DOCK4: variants seen among roughly 807,000 people sequenced by gnomAD.
The protein encoded by DOCK4 is dedicator of cytokinesis protein 4.
DOCK4 carries 97 observed loss-of-function variants against 268.1 expected under a neutral mutation model. The observed-to-expected ratio is 0.36, with a 90% CI of 0.31 to 0.43. DOCK4 has a LOEUF of 0.43. Ranked by LOEUF, DOCK4 falls within the 20% of genes least tolerant of loss-of-function variation. The pLI, the probability that DOCK4 is intolerant of heterozygous loss-of-function variation, is 1.00. For missense variants in DOCK4, 2,145 were observed against 2,455.7 expected, an observed-to-expected ratio of 0.87 and a Z score of 2.67; for synonymous variants, 954 against 887.2, an observed-to-expected ratio of 1.08 and a Z score of -1.34.
chr7:111,730,033 G>A (rs1168771791), intron 52 of DOCK4, among the ~76,000 whole-genome samples: 2 of 152,178 alleles, frequency 1.3e-5, no homozygotes, highest in South Asian at 4.2e-4. Flanking sequence ...ATCTTTAAAA[G>A]CTGAGAAGGG....
At chr7:112,017,295 T>C (rs191451179) in intron 1 of DOCK4, among the ~76,000 whole-genome samples, 1 of 152,358 alleles carries the variant, frequency 6.6e-6, no homozygotes, top group Non-Finnish European at 1.5e-5. Flanking sequence ...ACAGTGAGCA[T>C]CTTACAAAGG....
intron 10 of DOCK4, among the ~76,000 whole-genome samples, chr7:111,944,302 C>A (rs1378417589): frequency 1.3e-5 from 2 of 152,024 alleles, no homozygotes; most frequent in Non-Finnish European, 1.5e-5. Context: ...ACTTCTCAGA[C>A]CCTTTAATAA....
Position 111,728,550 on chromosome 7 carries a change from G to A in DOCK4, c.5652C>T (p.Pro1884=). 3 of 1,613,798 alleles carry A rather than the reference G, an allele frequency of 1.9e-6. No individual in the cohort carries two copies. The highest frequency in any genetic ancestry group is 1.1e-5 in the South Asian group (1 of 91,088). ...CGGGCACCGGCACTGGCACCGGCAG[G>A]GGGGCCGACTGTTCATTCACCTGAT... The part of the protein sequence containing the change: ...FENQVNEQSA[P]LPVPVPVPVP... The change falls in exon 53 of 53, where the codon CCC becomes CCT. Residue 1884 remains proline (P), a synonymous_variant. Coordinates refer to ENST00000428084, the MANE Select transcript of DOCK4 (RefSeq NM_001363540.2).
intron 32 of DOCK4, among the ~76,000 whole-genome samples, chr7:111,787,237 T>G (rs991667020): frequency 6.6e-6 from 1 of 152,188 alleles, no homozygotes; most frequent in Non-Finnish European, 1.5e-5. Context: ...AAGAGATTCA[T>G]TTCACTGAGT....
intron 12 of DOCK4, among the ~76,000 whole-genome samples, chr7:111,929,618 T>C (rs886293209): frequency 6.6e-6 from 1 of 152,132 alleles, no homozygotes; most frequent in Non-Finnish European, 1.5e-5. Context: ...GACCCAAAAA[T>C]GCAACCTAAC....
At chr7:111,972,119 A>G (rs540738766) in intron 8 of DOCK4, 4 of 152,546 alleles carry the variant, frequency 2.6e-5, no homozygotes, top group African/African-American at 7.2e-5. Context: ...TATCAGTTTC[A>G]GTATTACCAT....
intron 26 of DOCK4, among the ~76,000 whole-genome samples, chr7:111,825,262 T>A (rs1802304828): frequency 6.6e-6 from 1 of 152,224 alleles, no homozygotes; most frequent in South Asian, 2.1e-4. Flanking sequence ...TCCATTTTAG[T>A]ATTTACATGT....
chr7:112,140,692 G>T (rs1814832059), intron 1 of DOCK4, among the ~76,000 whole-genome samples: 1 of 151,322 alleles, frequency 6.6e-6, no homozygotes. Context: ...AACATACACG[G>T]AAGAATTTTT....
At chr7:112,005,463 T>A (rs1176562886) in intron 1 of DOCK4, among the ~76,000 whole-genome samples, 1 of 152,246 alleles carries the variant, frequency 6.6e-6, no homozygotes, top group African/African-American at 2.4e-5. Context: ...CACTAATTTA[T>A]GATATCATTT....
At chr7:111,744,136 A>G (rs1222553456) in intron 44 of DOCK4, among the ~76,000 whole-genome samples, 1 of 152,116 alleles carries the variant, frequency 6.6e-6, no homozygotes, top group Non-Finnish European at 1.5e-5. Context: ...CAGGCTTTCT[A>G]TTGCTTCCTC....
chr7:112,000,182 T>C (rs377292760), intron 3 of DOCK4, among the ~76,000 whole-genome samples: 6 of 152,286 alleles, frequency 3.9e-5, no homozygotes, highest in African/African-American at 1.2e-4. Flanking sequence ...TTTTGGCATA[T>C]GTATTTCCCC....
chr7:111,760,414 C>T lies in DOCK4; in HGVS notation c.4021-92G>A, dbSNP rs116073691. ...ACATGACACTGGCAGTAACTGACCA[C>T]ATGCCCCATACCAAGACACTATAAC... On this transcript the variant is annotated intron_variant, in intron 39 of 52. Coordinates refer to ENST00000428084, the MANE Select transcript of DOCK4 (RefSeq NM_001363540.2). 1.5e-3 allele frequency: 1,987 copies of T among 1,324,124 alleles called. 32 individuals are homozygous for T. The African/African-American group carries it at 0.026, about 17-fold the overall frequency. The allele number at this position is 1,324,124 out of a possible 1,614,324, so 82.0% of individuals were successfully genotyped here.
intron 23 of DOCK4, among the ~76,000 whole-genome samples, chr7:111,849,080 G>A (rs1804337859): frequency 6.6e-6 from 1 of 152,170 alleles, no homozygotes; most frequent in Admixed American, 6.5e-5. Flanking sequence ...ATCCTGTGGA[G>A]TGCTTTCTCG....
intron 30 of DOCK4, among the ~76,000 whole-genome samples, chr7:111,804,001 A>C (rs544107725): frequency 1.4e-4 from 21 of 152,352 alleles, no homozygotes; most frequent in South Asian, 1.0e-3. Flanking sequence ...GTTGGTGAGA[A>C]TGTAAAATGT....
At chr7:112,181,857 G>A (rs1347920392) in intron 1 of DOCK4, among the ~76,000 whole-genome samples, 1 of 152,070 alleles carries the variant, frequency 6.6e-6, no homozygotes, top group Non-Finnish European at 1.5e-5. Flanking sequence ...AACCTCCTGA[G>A]GATTCTATGC....
chr7:111,916,980 G>GTTTTTTTTTTTTT (rs749349556), intron 12 of DOCK4, among the ~76,000 whole-genome samples: 4 of 83,974 alleles, frequency 4.8e-5, no homozygotes, highest in East Asian at 4.8e-4. Context: ...TTTCCCCCAT[G>GTTTTTTTTTTTTT]TTTTTTTTTT....
At chr7:111,767,852 A>G (rs909343580) in intron 37 of DOCK4, among the ~76,000 whole-genome samples, 9 of 152,162 alleles carry the variant, frequency 5.9e-5, no homozygotes, top group Admixed American at 5.9e-4. Flanking sequence ...TGAGAGGTCT[A>G]ACCAAGTTGG....
At chr7:111,998,740 T>G (rs746553750) in intron 3 of DOCK4, among the ~76,000 whole-genome samples, 3 of 152,064 alleles carry the variant, frequency 2.0e-5, no homozygotes, top group Non-Finnish European at 4.4e-5. Flanking sequence ...ATCAAAAAAA[T>G]TAAATCTTAC....
intron 36 of DOCK4, among the ~76,000 whole-genome samples, chr7:111,773,501 C>T (rs1469142005): frequency 6.6e-6 from 1 of 152,126 alleles, no homozygotes; most frequent in African/African-American, 2.4e-5. Flanking sequence ...AGTAGCTTAT[C>T]CTCACTTACC....
Sources: allele counts gnomAD v4.1 joint callset (sites outside exome capture counted in the v4.1 genomes callset), GRCh38; gene constraint gnomAD v4.1.1; transcripts MANE v1.5; gene names NCBI Gene and HGNC (gene_info 2026-07-23, HGNC 2026-07-21).